RNF139: variants seen among roughly 807,000 people sequenced by gnomAD.
The protein encoded by RNF139 is E3 ubiquitin-protein ligase RNF139.
In RNF139, 15 loss-of-function variants were observed where a neutral mutation model predicts 49.5. The ratio of observed to expected loss-of-function variants is 0.30; its 90% CI spans 0.20 to 0.47. The LOEUF (loss-of-function observed/expected upper bound fraction) is 0.47, where lower values mean the gene tolerates loss of function less well. Among genes scored for constraint, RNF139 ranks in the 20% least tolerant of loss-of-function variants. The pLI is 1.00. For synonymous variants in RNF139, 325 were observed against 300.9 expected, an observed-to-expected ratio of 1.08 and a Z score of -0.83; for missense variants, 619 against 806.3, an observed-to-expected ratio of 0.77 and a Z score of 2.81.
intron 1 of RNF139, among the ~76,000 whole-genome samples, chr8:124,475,534 A>G (rs1816299928): frequency 6.6e-6 from 1 of 152,216 alleles, no homozygotes. Context: ...GGGAGAAAGT[A>G]AGGATGTGTG....
In RNF139 at chr8:124,487,672, G is replaced by T. The variant is rs759925652; in HGVS notation, c.*28G>T. On this transcript the variant is annotated 3_prime_UTR_variant, in exon 2 of 2. Coordinates refer to ENST00000303545, the MANE Select transcript of RNF139 (RefSeq NM_007218.4). ...AAAATAGCATTTATTAATGATTGAG[G>T]TATTTGTTTAAAATTCAGTTCATCC... The T allele has an allele frequency of 6.4e-7, 1 of 1,557,382 alleles. No homozygotes were observed.
In RNF139 at chr8:124,485,925, A is replaced by G. The variant is rs755974059; in HGVS notation, c.276A>G (p.Ser92=). The change falls in exon 2 of 2, where the codon TCA becomes TCG. Residue 92 remains serine, a synonymous_variant. Transcript: ENST00000303545. The part of the protein sequence containing the change: ...YSSAFLLAAT[S]VLVNYYASLH... ...CAGCCTTTCTGTTAGCTGCAACTTCAGTGTTGGTGAATTATTATGCTTCTT... is the reference window on the plus strand; with the variant it reads ...CAGCCTTTCTGTTAGCTGCAACTTCGGTGTTGGTGAATTATTATGCTTCTT... 3.7e-6 allele frequency: 6 copies of G among 1,614,042 alleles called. No individual in the cohort carries two copies. Among genetic ancestry groups the G allele is most frequent in the Non-Finnish European group, 5.1e-6 (6 of 1,180,012 alleles).
intron 1 of RNF139, among the ~76,000 whole-genome samples, chr8:124,480,280 AT>A (rs1563630180): frequency 6.6e-6 from 1 of 152,002 alleles, no homozygotes; most frequent in African/African-American, 2.4e-5. Context: ...ATCCTTAAAA[AT>A]ATATAAAAGC....
At position 124,488,168 on chromosome 8, in the gene RNF139, G is replaced by A. The variant is rs1816579108; in HGVS notation, c.*524G>A. Among the ~76,000 whole-genome samples the A allele has an allele frequency of 6.6e-6, 1 of 152,158 alleles. No homozygotes were observed. The highest frequency in any genetic ancestry group is 1.5e-5 in the Non-Finnish European group (1 of 68,026). ...CAACTGAGGACCTTTTTTGAAACTT[G>A]AGTAGCAGTGTAATTGAGCTGAGTT... On this transcript the variant is annotated 3_prime_UTR_variant, in exon 2 of 2. Transcript: ENST00000303545.
intron 1 of RNF139, among the ~76,000 whole-genome samples, chr8:124,477,626 G>A (rs1202397580): frequency 1.3e-5 from 2 of 152,100 alleles, no homozygotes; most frequent in African/African-American, 4.8e-5. Context: ...GATTTCAACC[G>A]GTTAGAAAAT....
In RNF139 at chr8:124,487,303, C is replaced by G; in HGVS notation, c.1654C>G (p.His552Asp). The change falls in exon 2 of 2, where the codon CAT becomes GAT. Residue 552 changes from histidine (H) to aspartate (D), a missense_variant. His to Asp is a moderately conservative substitution (Grantham distance 81). Coordinates refer to ENST00000303545, the MANE Select transcript of RNF139 (RefSeq NM_007218.4). ...EINDVCAICY[H>D]EFTTSARITP... ...AAATGATGTATGTGCAATCTGCTATCATGAGTTTACAACATCTGCTCGTAT... is the reference window on the plus strand; with the variant it reads ...AAATGATGTATGTGCAATCTGCTATGATGAGTTTACAACATCTGCTCGTAT... The G allele has an allele frequency of 1.2e-6, 2 of 1,614,078 alleles. No individual in the cohort carries two copies. The highest frequency in any genetic ancestry group is 1.7e-6 in the Non-Finnish European group (2 of 1,179,988).
Position 124,487,137 on chromosome 8 carries a change from G to T in RNF139, c.1488G>T (p.Arg496=), listed in dbSNP as rs143490171. ...TGTTTGAGTCGGGAAGTAAAATTCG[G>T]GCTTTTATGATGTGCCTACATGCAT... The part of the protein sequence containing the change: ...TMMFESGSKI[R]AFMMCLHAYF... The change falls in exon 2 of 2, where the codon CGG becomes CGT. Residue 496 remains arginine (R), a synonymous_variant. Transcript: ENST00000303545. 3.7e-6 allele frequency: 6 copies of T among 1,613,798 alleles called. No individual in the cohort carries two copies. The East Asian group carries it at 1.3e-4, about 36-fold the overall frequency.
At position 124,486,188 on chromosome 8, in the gene RNF139, T is replaced by C; in HGVS notation, c.539T>C (p.Phe180Ser). ...TTACACATCAGAGAGACTTTACTGTTTACTTCTTCCTTGATTCTCACATTA... is the reference window on the plus strand; with the variant it reads ...TTACACATCAGAGAGACTTTACTGTCTACTTCTTCCTTGATTCTCACATTA... ...LPLHIRETLLFTSSLILTLNT... is the reference protein window; with the variant it reads ...LPLHIRETLLSTSSLILTLNT... Residue 180 changes from phenylalanine to serine, a missense_variant, in exon 2 of 2, where the codon TTT (phenylalanine) becomes TCT (serine). Transcript: ENST00000303545. 2 of 1,614,234 alleles carry C rather than the reference T, an allele frequency of 1.2e-6. No individual in the cohort carries two copies. The highest frequency in any genetic ancestry group is 1.7e-6 in the Non-Finnish European group (2 of 1,180,038).
intron 1 of RNF139, among the ~76,000 whole-genome samples, chr8:124,476,106 A>G (rs1816310459): frequency 1.3e-5 from 2 of 152,184 alleles, no homozygotes; most frequent in African/African-American, 4.8e-5. Context: ...TGATGAGGTA[A>G]TTCTGGTGAT....
chr8:124,486,961 C>T lies in RNF139; in HGVS notation c.1312C>T (p.Leu438Phe), dbSNP rs200088546. 1.2e-6 allele frequency: 2 copies of T among 1,614,026 alleles called. No individual in the cohort carries two copies. Among genetic ancestry groups the T allele is most frequent in the Middle Eastern group, 1.6e-4 (1 of 6,062 alleles). ...VELCLKVIVS[L>F]TVYTLFMIDG... is the part of the protein sequence containing the mutation. ...ACTGTGCTTAAAAGTAATTGTTTCT[C>T]TCACTGTTTATACGTTATTCATGAT... The change falls in exon 2 of 2, where the codon CTC becomes TTC. Residue 438 changes from leucine (L) to phenylalanine (F), a missense_variant. By Grantham distance (22) the Leu-to-Phe change is conservative (BLOSUM62 0). Coordinates refer to ENST00000303545, the MANE Select transcript of RNF139 (RefSeq NM_007218.4).
intron 1 of RNF139, among the ~76,000 whole-genome samples, chr8:124,484,472 T>C (rs1027601605): frequency 1.3e-5 from 2 of 152,110 alleles, no homozygotes; most frequent in East Asian, 1.9e-4. Flanking sequence ...TGGCAACTAA[T>C]TGGCAAAGTT....
intron 1 of RNF139, among the ~76,000 whole-genome samples, chr8:124,476,894 T>C (rs1267387067): frequency 6.6e-6 from 1 of 152,240 alleles, no homozygotes; most frequent in Non-Finnish European, 1.5e-5. Context: ...TGTAAGAACA[T>C]TGAACAAAGC....
Position 124,487,240 on chromosome 8 carries a change from T to C in RNF139, c.1591T>C (p.Ser531Pro). ...TAGGACTGCTGTGAAGAAAATTAAT[T>C]CACTTCCTGAAATAAAAGGGAGCCG... Reference protein sequence around the residue: ...NRRTAVKKINSLPEIKGSRLQ... With the variant: ...NRRTAVKKINPLPEIKGSRLQ... The change falls in exon 2 of 2, where the codon TCA (serine) becomes CCA (proline). Residue 531 changes from serine to proline, a missense_variant. Ser to Pro is a moderately conservative substitution (Grantham distance 74). Around this residue, in one of 2 missense-constraint regions of RNF139, gnomAD observed 530 missense variants for 728.9 expected, o/e 0.73. Coordinates refer to ENST00000303545, the MANE Select transcript of RNF139 (RefSeq NM_007218.4). 1 of 1,613,852 alleles carries C rather than the reference T, an allele frequency of 6.2e-7. No individual in the cohort carries two copies. The highest frequency in any genetic ancestry group is 8.5e-7 in the Non-Finnish European group (1 of 1,179,952).
Position 124,486,719 on chromosome 8 carries a change from G to C in RNF139, c.1070G>C (p.Cys357Ser). Residue 357 changes from cysteine to serine, a missense_variant, in exon 2 of 2, where the codon TGC becomes TCC. Around this residue, in one of 2 missense-constraint regions of RNF139, gnomAD observed 530 missense variants for 728.9 expected, o/e 0.73. Transcript: ENST00000303545. Reference protein sequence around the residue: ...ERLIRLSRNMCLLLTAVLHFI... With the variant: ...ERLIRLSRNMSLLLTAVLHFI... ...CTTATTCGCTTAAGTAGAAACATGTGCCTTTTATTAACTGCAGTCCTGCAT... is the reference window on the plus strand; with the variant it reads ...CTTATTCGCTTAAGTAGAAACATGTCCCTTTTATTAACTGCAGTCCTGCAT... The C allele has an allele frequency of 6.2e-7, 1 of 1,614,046 alleles. No homozygotes were observed. The highest frequency in any genetic ancestry group is 8.5e-7 in the Non-Finnish European group (1 of 1,179,998).
chr8:124,482,795 A>G (rs955968563), intron 1 of RNF139, among the ~76,000 whole-genome samples: 2 of 150,260 alleles, frequency 1.3e-5, no homozygotes, highest in African/African-American at 4.9e-5. Flanking sequence ...GAGTGGTGGT[A>G]CATACCTGTA....
intron 1 of RNF139, 127 bp from the exon 2 acceptor site, chr8:124,485,704 T>C (rs1390480464): frequency 1.2e-6 from 1 of 815,964 alleles, no homozygotes; most frequent in Non-Finnish European, 1.9e-6. Context: ...CTTAGTTGTC[T>C]TGAGGCTTAA....
At chr8:124,484,589 G>T (rs1816498701) in intron 1 of RNF139, among the ~76,000 whole-genome samples, 1 of 152,148 alleles carries the variant, frequency 6.6e-6, no homozygotes, top group South Asian at 2.1e-4. Context: ...AAGGCAAGTC[G>T]AGTTTCAGAA....
chr8:124,487,934 GATC>G lies in RNF139; in HGVS notation c.*293_*295del, dbSNP rs1157267778. The G allele has an allele frequency of 7.1e-6, 2 of 283,298 alleles. No homozygotes were observed. Among genetic ancestry groups the G allele is most frequent in the Non-Finnish European group, 1.3e-5 (2 of 151,946 alleles). The allele number at this position is 283,298 out of a possible 1,614,324, so 17.5% of individuals were successfully genotyped here. A position where few individuals can be genotyped will look rare whatever the true frequency, so the allele number is the denominator to read the frequency against. Reference sequence around the variant, plus strand: ...CAAATAGCTTTTTAATAGATGTAATGATCATATGGTGCGTCACCTGTGCCAAAT... The same window carrying G: ...CAAATAGCTTTTTAATAGATGTAATGATATGGTGCGTCACCTGTGCCAAAT... On this transcript the variant is annotated 3_prime_UTR_variant, in exon 2 of 2. Coordinates refer to ENST00000303545, the MANE Select transcript of RNF139 (RefSeq NM_007218.4).
intron 1 of RNF139, among the ~76,000 whole-genome samples, chr8:124,477,752 A>C (rs993690820): frequency 3.3e-5 from 5 of 152,272 alleles, no homozygotes; most frequent in African/African-American, 1.2e-4. Flanking sequence ...AACCCAGAGC[A>C]GCATAATGCT....
Sources: allele counts gnomAD v4.1 joint callset (sites outside exome capture counted in the v4.1 genomes callset), GRCh38; gene constraint gnomAD v4.1.1; regional missense constraint gnomAD v4.1.1; transcripts MANE v1.5; gene names NCBI Gene and HGNC (gene_info 2026-07-23, HGNC 2026-07-21).